The following RB1 variants were observed in gnomAD, a reference collection of about 807,000 sequenced individuals.
RB1 encodes the protein retinoblastoma-associated protein.
Under a neutral mutation model 135.4 loss-of-function variants are expected in RB1, and 18 were observed. The ratio of observed to expected loss-of-function variants is 0.13; its 90% confidence interval spans 0.09 to 0.20. The LOEUF (loss-of-function observed/expected upper bound fraction) is 0.20, where lower values mean the gene tolerates loss of function less well. RB1 is among the 10% of genes least tolerant of loss of function. The probability of loss-of-function intolerance (pLI) is 1.00; values close to 1 mark genes in which losing one functional copy is unlikely to be tolerated. For synonymous variants in RB1, 365 were observed against 373.2 expected (o/e 0.98, Z 0.25); for missense variants, 868 against 1,110.0 (o/e 0.78, Z 3.10).
chr13:48,456,890 G>A (rs958162034), intron 19 of RB1, among the ~76,000 whole-genome samples: 2 of 152,232 alleles, frequency 1.3e-5, no homozygotes, highest in African/African-American at 4.8e-5. Flanking sequence ...GCTTGGAGAC[G>A]CCAGAAACCA....
chr13:48,408,028 G>A (rs1948755194), intron 17 of RB1, among the ~76,000 whole-genome samples: 1 of 152,058 alleles, frequency 6.6e-6, no homozygotes, highest in Non-Finnish European at 1.5e-5. Flanking sequence ...AATTGCTTCA[G>A]ATTCTTGATA....
chr13:48,417,657 C>T (rs1206543555), intron 17 of RB1, among the ~76,000 whole-genome samples: 3 of 151,914 alleles, frequency 2.0e-5, no homozygotes, highest in Admixed American at 1.3e-4. Flanking sequence ...AGAGGAATTG[C>T]TACCTAAAAT....
At chr13:48,380,108 A>G (rs760586805) in intron 15 of RB1, 24 bp downstream of exon 15, 1 of 1,450,092 alleles carries the variant, frequency 6.9e-7, no homozygotes, top group South Asian at 1.4e-5. Context: ...TTTTAGTAAA[A>G]AATTTTTTTC....
intron 17 of RB1, among the ~76,000 whole-genome samples, chr13:48,449,718 T>A (rs576107512): frequency 1.4e-4 from 22 of 152,128 alleles, no homozygotes; most frequent in Non-Finnish European, 3.1e-4. Context: ...AGCAAGACCC[T>A]GTCTCTTAAA....
chr13:48,435,815 A>C (rs1949177506), intron 17 of RB1, among the ~76,000 whole-genome samples: 1 of 152,186 alleles, frequency 6.6e-6, no homozygotes, highest in Non-Finnish European at 1.5e-5. Flanking sequence ...TTTAAAGGCT[A>C]TCCTTTTTCT....
intron 26 of RB1, 106 bp from the exon 27 acceptor site, chr13:48,479,892 G>T (rs1949527245): frequency 1.2e-6 from 1 of 819,938 alleles, no homozygotes; most frequent in South Asian, 1.4e-5. Context: ...GCTTTTGCAA[G>T]GTCCTGAGCG....
intron 2 of RB1, among the ~76,000 whole-genome samples, chr13:48,308,948 T>C (rs569743193): frequency 1.3e-5 from 2 of 152,300 alleles, no homozygotes; most frequent in African/African-American, 4.8e-5. Context: ...TAAAGTTTTT[T>C]TGTAATATAG....
intron 13 of RB1, 136 bp downstream of exon 13, chr13:48,377,170 C>T: frequency 1.1e-6 from 1 of 876,922 alleles, no homozygotes; most frequent in Non-Finnish European, 1.8e-6. Flanking sequence ...TCCCTGCTGC[C>T]TGTGTATGCT....
At chr13:48,417,480 G>A (rs9568039) in intron 17 of RB1, among the ~76,000 whole-genome samples, 3,399 of 152,192 alleles carry the variant, frequency 0.022, 90 homozygotes, top group African/African-American at 0.059. Context: ...AAAAACCAGC[G>A]CAAAAAGGCT....
At chr13:48,472,964 GATT>G (rs1448020797) in intron 23 of RB1, among the ~76,000 whole-genome samples, 1 of 152,024 alleles carries the variant, frequency 6.6e-6, no homozygotes, top group Non-Finnish European at 1.5e-5. Context: ...TTAGAATTCT[GATT>G]ATTACTTAAT....
chr13:48,342,913 G>A (rs1403628200), intron 3 of RB1, among the ~76,000 whole-genome samples, 199 bp downstream of exon 3: 2 of 152,066 alleles, frequency 1.3e-5, no homozygotes, highest in African/African-American at 2.4e-5. Flanking sequence ...TTAAGAGGTA[G>A]CAGTTTGTGT....
At chr13:48,457,005 G>A (rs907967588) in intron 19 of RB1, among the ~76,000 whole-genome samples, 1 of 152,238 alleles carries the variant, frequency 6.6e-6, no homozygotes, top group Non-Finnish European at 1.5e-5. Flanking sequence ...AACATGGCGA[G>A]CAAGGGGCAT....
intron 2 of RB1, among the ~76,000 whole-genome samples, chr13:48,335,621 C>CTTGTTCTTTGCCCATTTTCCCCCCATTTT (rs1952377424): frequency 2.7e-5 from 4 of 149,984 alleles, no homozygotes; most frequent in African/African-American, 9.8e-5. Context: ...TTGCAAAGTG[C>CTTGTTCTTTGCCCATTTTCCCCCCATTTT]TTGTTCTTTG....
At chr13:48,392,397 C>T (rs1001462347) in intron 17 of RB1, among the ~76,000 whole-genome samples, 3 of 152,190 alleles carry the variant, frequency 2.0e-5, no homozygotes, top group Non-Finnish European at 4.4e-5. Flanking sequence ...AAGCATGAGC[C>T]ACCACGCCTG....
intron 17 of RB1, among the ~76,000 whole-genome samples, chr13:48,393,253 T>C (rs1948624404): frequency 6.6e-6 from 1 of 152,250 alleles, no homozygotes; most frequent in Admixed American, 6.5e-5. Context: ...TGGAGTTCTC[T>C]TTTTGTAGCT....
In RB1 at chr13:48,373,470, A is replaced by G; in HGVS notation, c.1193A>G (p.Glu398Gly). 6.3e-7 allele frequency: 1 copy of G among 1,586,608 alleles called. No homozygotes were observed. Among genetic ancestry groups the G allele is most frequent in the Non-Finnish European group, 8.7e-7 (1 of 1,155,280 alleles). ...ILNSASDQPSENLISYFNNCT... is the reference protein window; with the variant it reads ...ILNSASDQPSGNLISYFNNCT... ...AATTCAGCAAGTGATCAACCTTCAG[A>G]AAATCTGATTTCCTATTTTAACGTA... Residue 398 changes from glutamate (E) to glycine (G), a missense_variant, in exon 12 of 27, where the codon GAA (glutamate) becomes GGA (glycine). Glu to Gly is a moderately conservative substitution (Grantham distance 98, BLOSUM62 -2). Around this residue, in one of 3 missense-constraint regions of RB1, gnomAD observed 641 missense variants for 791.3 expected, o/e 0.81. Coordinates refer to ENST00000267163, the MANE Select transcript of RB1 (RefSeq NM_000321.3).
At chr13:48,438,672 T>G (rs1949207309) in intron 17 of RB1, among the ~76,000 whole-genome samples, 1 of 152,176 alleles carries the variant, frequency 6.6e-6, no homozygotes, top group African/African-American at 2.4e-5. Context: ...ACTGGACAAT[T>G]TACTCCTTGT....
intron 2 of RB1, among the ~76,000 whole-genome samples, chr13:48,336,985 T>C (rs1206812482): frequency 6.6e-6 from 1 of 152,204 alleles, no homozygotes; most frequent in Non-Finnish European, 1.5e-5. Context: ...CATGTAGTTA[T>C]GCGGTTTTGA....
At chr13:48,398,157 G>T (rs1193652421) in intron 17 of RB1, among the ~76,000 whole-genome samples, 1 of 152,054 alleles carries the variant, frequency 6.6e-6, no homozygotes. Context: ...ATTTTTAAAA[G>T]CTTCTCATGA....
Sources: gnomAD v4.1 joint callset for allele counts (sites outside exome capture counted in the v4.1 genomes callset) on GRCh38, gnomAD v4.1.1 for gene constraint, gnomAD v4.1.1 regional missense constraint, MANE v1.5 for transcripts, NCBI Gene and HGNC (gene_info 2026-07-23, HGNC 2026-07-21) for gene names.